Variants in NEGR1 observed in about 807,000 individuals in gnomAD.
The protein encoded by NEGR1 is neuronal growth regulator 1.
NEGR1 carries 10 observed loss-of-function variants against 40.9 expected under a neutral mutation model. That is an observed-to-expected ratio of 0.24 (90% confidence interval 0.15 to 0.42). The LOEUF (loss-of-function observed/expected upper bound fraction) is 0.42, where lower values mean the gene tolerates loss of function less well. Ranked by LOEUF, NEGR1 falls within the 10% of genes least tolerant of loss-of-function variation. NEGR1 has a pLI of 1.00. For synonymous variants in NEGR1, 185 were observed against 166.8 expected (o/e 1.11, Z -0.84); for missense variants, 352 against 438.9 (o/e 0.80, Z 1.77).
chr1:72,005,136 T>A lies in NEGR1; in HGVS notation c.177-69825A>T, dbSNP rs1298463071. Among the ~76,000 whole-genome samples, 5 of 152,124 alleles carry A rather than the reference T, an allele frequency of 3.3e-5. 1 individual carries two copies. The highest frequency in any genetic ancestry group is 3.3e-4 in the Admixed American group (5 of 15,262). On this transcript the variant is annotated intron_variant, in intron 1 of 6. Transcript: ENST00000357731. ...CATAGAAACATGCATAAGTGAAGAT[T>A]GAAAGTTGAAAATAACATATTTGGC...
intron 1 of NEGR1, among the ~76,000 whole-genome samples, chr1:72,176,998 A>G (rs1652191177): frequency 6.6e-6 from 1 of 152,068 alleles, no homozygotes; most frequent in Admixed American, 6.6e-5. Context: ...TAGACTCAAG[A>G]TGAATTCAAT....
At chr1:71,976,822 A>G (rs1646309084) in intron 1 of NEGR1, among the ~76,000 whole-genome samples, 2 of 152,184 alleles carry the variant, frequency 1.3e-5, no homozygotes, top group South Asian at 4.1e-4. Context: ...AACAAGAAAA[A>G]AACAGTGTAT....
chr1:71,729,514 T>C (rs1317117245), intron 3 of NEGR1, among the ~76,000 whole-genome samples: 1 of 152,198 alleles, frequency 6.6e-6, no homozygotes, highest in African/African-American at 2.4e-5. Context: ...TGCTTTGGCA[T>C]GGGGTAGGCT....
At chr1:72,150,669 C>A (rs1037830764) in intron 1 of NEGR1, among the ~76,000 whole-genome samples, 3 of 152,044 alleles carry the variant, frequency 2.0e-5, no homozygotes, top group African/African-American at 7.2e-5. Flanking sequence ...AAAGCCTGGA[C>A]TTCTGTAGCC....
intron 6 of NEGR1, among the ~76,000 whole-genome samples, chr1:71,522,344 C>T (rs994015779): frequency 1.3e-5 from 2 of 151,910 alleles, no homozygotes; most frequent in African/African-American, 4.8e-5. Context: ...AGAGAAGACA[C>T]TGGCTTGGAA....
At chr1:72,099,661 GC>G (rs1245723815) in intron 1 of NEGR1, among the ~76,000 whole-genome samples, 1 of 151,846 alleles carries the variant, frequency 6.6e-6, no homozygotes. Flanking sequence ...ACAGTAATTT[GC>G]CATTTCATAT....
intron 1 of NEGR1, among the ~76,000 whole-genome samples, chr1:72,182,389 A>G (rs1166359732): frequency 6.6e-6 from 1 of 152,078 alleles, no homozygotes; most frequent in Non-Finnish European, 1.5e-5. Context: ...GTTACTTGGG[A>G]GGCTGAGCCA....
chr1:71,618,475 G>A (rs1354572404), intron 4 of NEGR1, among the ~76,000 whole-genome samples: 2 of 151,974 alleles, frequency 1.3e-5, no homozygotes, highest in African/African-American at 4.8e-5. Flanking sequence ...GTGAAGCAGG[G>A]TTTTCTGCAG....
chr1:71,954,208 A>C (rs1646097515), intron 1 of NEGR1, among the ~76,000 whole-genome samples: 1 of 151,956 alleles, frequency 6.6e-6, no homozygotes, highest in African/African-American at 2.4e-5. Context: ...AGAGACACAA[A>C]ATAAGGAGTG....
chr1:71,710,136 A>C (rs1464125879), intron 3 of NEGR1, among the ~76,000 whole-genome samples: 1 of 152,252 alleles, frequency 6.6e-6, no homozygotes, highest in Non-Finnish European at 1.5e-5. Flanking sequence ...GCATTTGAAA[A>C]GGCAATCAAC....
At chr1:71,462,840 A>AAGAC (rs1646722668) in intron 6 of NEGR1, among the ~76,000 whole-genome samples, 1 of 152,190 alleles carries the variant, frequency 6.6e-6, no homozygotes, top group East Asian at 1.9e-4. Context: ...ACTTAGAAAG[A>AAGAC]TATGTTATGG....
chr1:72,147,092 G>A (rs748532617), intron 1 of NEGR1, among the ~76,000 whole-genome samples: 3 of 152,106 alleles, frequency 2.0e-5, no homozygotes, highest in Admixed American at 6.6e-5. Flanking sequence ...ACATATGTGC[G>A]TCTTTGTGTT....
intron 1 of NEGR1, among the ~76,000 whole-genome samples, chr1:72,132,944 C>T (rs948850235): frequency 6.6e-6 from 1 of 151,996 alleles, no homozygotes; most frequent in Non-Finnish European, 1.5e-5. Flanking sequence ...TGCTATTTAT[C>T]TTTGAAGCAA....
intron 6 of NEGR1, among the ~76,000 whole-genome samples, chr1:71,455,263 C>A (rs376910267): frequency 1.3e-5 from 2 of 152,126 alleles, no homozygotes; most frequent in Non-Finnish European, 2.9e-5. Context: ...ATATATTATT[C>A]GGTACATAAT....
chr1:72,213,794 G>A (rs1286353347), intron 1 of NEGR1, among the ~76,000 whole-genome samples: 1 of 152,010 alleles, frequency 6.6e-6, no homozygotes, highest in African/African-American at 2.4e-5. Context: ...GGGACAAAGA[G>A]GAGCTGGTAG....
intron 1 of NEGR1, among the ~76,000 whole-genome samples, chr1:72,181,632 T>C (rs1186312225): frequency 1.3e-5 from 2 of 152,148 alleles, no homozygotes; most frequent in African/African-American, 4.8e-5. Flanking sequence ...AACATGTTCA[T>C]TCCAGCATAA....
In NEGR1 at chr1:71,399,478, T is replaced by G. The variant is rs1646232714; in HGVS notation, c.*7968A>C. ...TCTTCTGATTAATTAAATCACAAGA[T>G]GTTCCTTATGCTAACGTCTTAGCAA... On this transcript the variant is annotated 3_prime_UTR_variant, in exon 7 of 7. Transcript: ENST00000357731. The G allele has an allele frequency of 6.6e-6, 1 of 152,240 alleles. No individual in the cohort carries two copies. Among genetic ancestry groups the G allele is most frequent in the Non-Finnish European group, 1.5e-5 (1 of 68,044 alleles). 9.4% of individuals were successfully genotyped at this position (152,240 alleles called of 1,614,324 possible).
At chr1:72,278,267 G>A (rs947645307) in intron 1 of NEGR1, among the ~76,000 whole-genome samples, 2 of 151,952 alleles carry the variant, frequency 1.3e-5, no homozygotes, top group Admixed American at 6.6e-5. Context: ...TCCTTTCTTC[G>A]ATTAAAGCAT....
At chr1:71,597,456 C>CTA (rs1451348586) in intron 5 of NEGR1, among the ~76,000 whole-genome samples, 1 of 63,218 alleles carries the variant, frequency 1.6e-5, no homozygotes, top group African/African-American at 5.6e-5. Context: ...CTCTCTCTCT[C>CTA]TCTCTCTCTC....
Sources: allele counts gnomAD v4.1 joint callset (sites outside exome capture counted in the v4.1 genomes callset), GRCh38; gene constraint gnomAD v4.1.1; transcripts MANE v1.5; gene names NCBI Gene and HGNC (gene_info 2026-07-23, HGNC 2026-07-21).